Variants in PKHD1L1 observed in about 807,000 individuals in gnomAD.
PKHD1L1 encodes the protein fibrocystin-L.
In PKHD1L1, 434 loss-of-function variants were observed where a neutral mutation model predicts 462.9. The ratio of observed to expected loss-of-function variants is 0.94; its 90% CI spans 0.87 to 1.02. The LOEUF is 1.02. Ranked by LOEUF, PKHD1L1 falls within the 50% of genes least tolerant of loss-of-function variation. The pLI, the probability that PKHD1L1 is intolerant of heterozygous loss-of-function variation, is 0.00. For synonymous variants in PKHD1L1, 1,781 were observed against 1,750.0 expected, an observed-to-expected ratio of 1.02 and a Z score of -0.44; for missense variants, 5,202 against 5,096.1, an observed-to-expected ratio of 1.02 and a Z score of -0.63.
intron 27 of PKHD1L1, among the ~76,000 whole-genome samples, chr8:109,430,949 T>C (rs1489857419): frequency 6.6e-6 from 1 of 151,760 alleles, no homozygotes; most frequent in African/African-American, 2.4e-5. Flanking sequence ...ATATCCACTC[T>C]TGCATTTTGT....
rs753832566 is a variant in PKHD1L1, at chr8:109,504,536, T to A, written c.10994+44T>A. On this transcript the variant is annotated intron_variant, in intron 68 of 77. Transcript: ENST00000378402. ...GTGGTTTTTCTATCTTTATAGTTTT[T>A]CATTCTCACTTCCTCCTGCTCAAGA... is the stretch of plus-strand genomic sequence containing the variant. The A allele has an allele frequency of 1.2e-5, 14 of 1,181,412 alleles. No homozygotes were observed. In the South Asian group the frequency reaches 2.5e-4, roughly 21 times the overall value. The allele number at this position is 1,181,412 out of a possible 1,614,324, so 73.2% of individuals were successfully genotyped here. A position where few individuals can be genotyped will look rare whatever the true frequency, so the allele number is the denominator to read the frequency against.
intron 72 of PKHD1L1, among the ~76,000 whole-genome samples, chr8:109,517,134 A>T (rs1820311071): frequency 6.6e-6 from 1 of 152,200 alleles, no homozygotes; most frequent in Admixed American, 6.6e-5. Context: ...CTGAAGAGCC[A>T]GAAAACAACT....
chr8:109,524,625 A>G, intron 76 of PKHD1L1, among the ~76,000 whole-genome samples: 1 of 152,224 alleles, frequency 6.6e-6, no homozygotes, highest in East Asian at 1.9e-4. Flanking sequence ...GCACTAAAAT[A>G]GGTTTTGGCA....
chr8:109,526,327 A>T (rs1470365124), intron 76 of PKHD1L1, among the ~76,000 whole-genome samples: 1 of 152,112 alleles, frequency 6.6e-6, no homozygotes. Flanking sequence ...TATTCTTTCA[A>T]CTCTTTTCTT....
At chr8:109,529,434 T>C (rs1214349697) in intron 77 of PKHD1L1, among the ~76,000 whole-genome samples, 1 of 152,114 alleles carries the variant, frequency 6.6e-6, no homozygotes, top group African/African-American at 2.4e-5. Flanking sequence ...ATTAATTTTA[T>C]TTTTTTCTCA....
intron 50 of PKHD1L1, among the ~76,000 whole-genome samples, chr8:109,474,382 A>C (rs1275138773): frequency 6.6e-6 from 1 of 152,166 alleles, no homozygotes; most frequent in Non-Finnish European, 1.5e-5. Flanking sequence ...CAAATCTTCT[A>C]TTAAAGCTAT....
At chr8:109,442,914 T>C (rs1231443236) in intron 35 of PKHD1L1, 32 bp from the exon 36 acceptor site, 3 of 1,597,366 alleles carry the variant, frequency 1.9e-6, no homozygotes, top group South Asian at 1.1e-5. Flanking sequence ...TAATTGCTTA[T>C]ATTTATTACG....
chr8:109,427,115 A>T lies in PKHD1L1; in HGVS notation c.2959A>T (p.Ile987Phe), dbSNP rs764404376. Residue 987 changes from isoleucine (I) to phenylalanine (F), a missense_variant, in exon 25 of 78, where the codon ATC (isoleucine) becomes TTC (phenylalanine). This residue lies in a region of PKHD1L1 where 4,497 missense variants were observed against 4,336.8 expected (regional missense o/e 1.04). Coordinates refer to ENST00000378402, the MANE Select transcript of PKHD1L1 (RefSeq NM_177531.6). Reference protein sequence around the residue: ...EGTCAGYAWNIKWRSTCGKQN... With the variant: ...EGTCAGYAWNFKWRSTCGKQN... The stretch of plus-strand genomic sequence containing the variant: ...AACCTGTGCTGGCTACGCGTGGAAC[A>T]TCAAATGGAGAAGCACCTGCGGAAA... 1.2e-6 allele frequency: 2 copies of T among 1,613,950 alleles called. No individual in the cohort carries two copies. Among genetic ancestry groups the T allele is most frequent in the Admixed American group, 3.3e-5 (2 of 60,036 alleles).
intron 21 of PKHD1L1, among the ~76,000 whole-genome samples, chr8:109,418,284 A>G (rs1445077836): frequency 6.6e-6 from 1 of 152,064 alleles, no homozygotes; most frequent in Non-Finnish European, 1.5e-5. Context: ...GTTTGCATAC[A>G]ATTTGCTAAA....
intron 67 of PKHD1L1, among the ~76,000 whole-genome samples, chr8:109,502,874 A>G (rs989315078): frequency 6.6e-6 from 1 of 152,124 alleles, no homozygotes; most frequent in Non-Finnish European, 1.5e-5. Context: ...TGTGCCAAAT[A>G]TTTTTCCCAC....
chr8:109,362,894 A>T (rs565978766), intron 1 of PKHD1L1, among the ~76,000 whole-genome samples: 3 of 152,246 alleles, frequency 2.0e-5, no homozygotes, highest in African/African-American at 7.2e-5. Flanking sequence ...ATTGCCTTTT[A>T]ACTCATCAAT....
chr8:109,416,693 T>C (rs13254461), intron 21 of PKHD1L1, among the ~76,000 whole-genome samples: 45,183 of 151,904 alleles, frequency 0.3, 7,304 homozygotes, highest in Admixed American at 0.43. Flanking sequence ...CCTTTGTTGG[T>C]AGTCACATAG....
chr8:109,388,011 C>T (rs1812522435), intron 6 of PKHD1L1, among the ~76,000 whole-genome samples: 1 of 152,144 alleles, frequency 6.6e-6, no homozygotes, highest in African/African-American at 2.4e-5. Context: ...TTCTTATTTT[C>T]ATTTATGTGT....
intron 38 of PKHD1L1, among the ~76,000 whole-genome samples, chr8:109,446,066 C>G (rs1440460512): frequency 6.6e-6 from 1 of 152,118 alleles, no homozygotes; most frequent in African/African-American, 2.4e-5. Flanking sequence ...TGAATATTAA[C>G]TTATTAGCAT....
intron 67 of PKHD1L1, among the ~76,000 whole-genome samples, chr8:109,500,786 T>C (rs1819371738): frequency 6.6e-6 from 1 of 151,850 alleles, no homozygotes; most frequent in Admixed American, 6.6e-5. Context: ...CAGTGGATCA[T>C]GTGAGTGCAT....
chr8:109,470,377 A>G lies in PKHD1L1; in HGVS notation c.8605+3608A>G, dbSNP rs1182284307. The G allele has an allele frequency of 9.0e-6, 14 of 1,563,502 alleles. No homozygotes were observed. In the East Asian group the frequency reaches 2.9e-4, roughly 33 times the overall value. On this transcript the variant is annotated intron_variant, in intron 50 of 77. Coordinates refer to ENST00000378402, the MANE Select transcript of PKHD1L1 (RefSeq NM_177531.6). ...CCATTACTATGAACCCAAGCTTATTATAGATCTTTCCAATTGGAGAGAACA... is the reference window on the plus strand; with the variant it reads ...CCATTACTATGAACCCAAGCTTATTGTAGATCTTTCCAATTGGAGAGAACA...
chr8:109,481,286 G>C (rs1818258454), intron 55 of PKHD1L1, 147 bp from the exon 56 acceptor site: 1 of 673,930 alleles, frequency 1.5e-6, no homozygotes, highest in Admixed American at 3.6e-5. Context: ...TGAAATTAAA[G>C]TCACTTCCAG....
Position 109,535,105 on chromosome 8 carries a change from T to TA in PKHD1L1, c.*5016dup, listed in dbSNP as rs1821119086. ...ACAGAAACTGCACTTTATCCTGACT[T>TA]ACAGCCTTAATGTTTGAAGTAGCAG... is the stretch of plus-strand genomic sequence containing the variant. On this transcript the variant is annotated 3_prime_UTR_variant, in exon 78 of 78. Coordinates refer to ENST00000378402, the MANE Select transcript of PKHD1L1 (RefSeq NM_177531.6). 6.6e-6 allele frequency among the ~76,000 whole-genome samples: 1 copy of TA among 152,168 alleles called. No individual in the cohort carries two copies. Among genetic ancestry groups the TA allele is most frequent in the Non-Finnish European group, 1.5e-5 (1 of 68,028 alleles).
chr8:109,497,917 C>T (rs904714580), intron 65 of PKHD1L1, among the ~76,000 whole-genome samples: 9 of 152,084 alleles, frequency 5.9e-5, no homozygotes, highest in African/African-American at 2.2e-4. Context: ...CATAACATGT[C>T]CTTATATGTA....
Sources: allele counts gnomAD v4.1 joint callset (sites outside exome capture counted in the v4.1 genomes callset), GRCh38; gene constraint gnomAD v4.1.1; regional missense constraint gnomAD v4.1.1; transcripts MANE v1.5; gene names NCBI Gene and HGNC (gene_info 2026-07-23, HGNC 2026-07-21).